EIF3D: variants seen among roughly 807,000 people sequenced by gnomAD.
The protein encoded by EIF3D is eukaryotic translation initiation factor 3 subunit D, also known as eIF3 p66.
In EIF3D, 10 loss-of-function variants were observed where a neutral mutation model predicts 75.4. The observed-to-expected ratio is 0.13, with a 90% CI of 0.08 to 0.22. The LOEUF (loss-of-function observed/expected upper bound fraction) is 0.22. EIF3D is among the 10% of genes least tolerant of loss of function. The pLI is 1.00. For synonymous variants in EIF3D, 246 were observed against 248.3 expected, an observed-to-expected ratio of 0.99 and a Z score of 0.09; for missense variants, 394 against 708.0, an observed-to-expected ratio of 0.56 and a Z score of 5.03.
chr22:36,513,994 G>A (rs1456486306), intron 12 of EIF3D, among the ~76,000 whole-genome samples: 1 of 152,214 alleles, frequency 6.6e-6, no homozygotes, highest in African/African-American at 2.4e-5. Flanking sequence ...TGTCAAACAG[G>A]CATGATGAAA....
intron 12 of EIF3D, among the ~76,000 whole-genome samples, chr22:36,514,025 A>AG (rs1189529627): frequency 6.6e-6 from 1 of 152,222 alleles, no homozygotes; most frequent in African/African-American, 2.4e-5. Flanking sequence ...AACTAGGGCA[A>AG]TTATCAGTGA....
chr22:36,511,081 ACTGTGCG>A, intron 14 of EIF3D, 81 bp from the exon 15 acceptor site: 1 of 1,528,454 alleles, frequency 6.5e-7, no homozygotes, highest in Non-Finnish European at 8.8e-7. Context: ...CCTCTGCTGG[ACTGTGCG>A]TGAGTTTTCA....
At position 36,520,638 on chromosome 22, in the gene EIF3D, C is replaced by T; in HGVS notation, c.516G>A (p.Glu172=). The part of the protein sequence containing the change: ...VEVRSDWEVK[E]EMDFPQLMKM... The stretch of plus-strand genomic sequence containing the variant: ...TCATCAACTGAGGAAAATCCATTTC[C>T]TCTTTCACTTCCCAATCACTACGAA... The change falls in exon 7 of 15, where the codon GAG becomes GAA. Residue 172 remains glutamate, a synonymous_variant. Transcript: ENST00000216190. 4 of 1,613,584 alleles carry T rather than the reference C, an allele frequency of 2.5e-6. No homozygotes were observed. Among genetic ancestry groups the T allele is most frequent in the Non-Finnish European group, 3.4e-6 (4 of 1,179,592 alleles).
At position 36,512,610 on chromosome 22, in the gene EIF3D, A is replaced by C. The variant is rs887013185; in HGVS notation, c.1207-8T>G. On this transcript the variant is annotated splice_polypyrimidine_tract_variant and splice_region_variant and intron_variant, in intron 12 of 14. Transcript: ENST00000216190. ...GTCAACGCCATTACAGTGCTGCAGG[A>C]GAGCCCCGTTAGAGAAACAGAAGCA... 3.7e-6 allele frequency: 6 copies of C among 1,608,302 alleles called. No individual in the cohort carries two copies. In the African/African-American group the frequency reaches 8.0e-5, roughly 21 times the overall value.
intron 1 of EIF3D, among the ~76,000 whole-genome samples, chr22:36,526,441 G>C (rs1316886497): frequency 6.6e-6 from 1 of 152,086 alleles, no homozygotes; most frequent in African/African-American, 2.4e-5. Context: ...TTGATTGGTA[G>C]TTTTTCTTTT....
Position 36,511,624 on chromosome 22 carries a change from G to C in EIF3D, c.1512C>G (p.Gly504=). 1 of 1,614,084 alleles carries C rather than the reference G, an allele frequency of 6.2e-7. No individual in the cohort carries two copies. Among genetic ancestry groups the C allele is most frequent in the East Asian group, 2.2e-5 (1 of 44,874 alleles). ...VIDICMKLEE[G]KYLILKDPNK... is the part of the protein sequence containing the mutation. ...TGGGGTCCTTGAGGATGAGGTATTT[G>C]CCCTCCTCCAGCTTCATGCAGATGT... The change falls in exon 14 of 15, where the codon GGC becomes GGG. Residue 504 remains glycine, a synonymous_variant. Transcript: ENST00000216190.
chr22:36,520,812 T>C (rs1418388395), intron 6 of EIF3D, 124 bp from the exon 7 acceptor site: 1 of 602,222 alleles, frequency 1.7e-6, no homozygotes, highest in Non-Finnish European at 2.9e-6. Context: ...CCCAGCACTT[T>C]GGGAAGCTGG....
At chr22:36,525,960 C>T in intron 2 of EIF3D, 39 bp downstream of exon 2, 1 of 1,571,556 alleles carries the variant, frequency 6.4e-7, no homozygotes, top group Non-Finnish European at 8.6e-7. Context: ...GTAGCAGCCA[C>T]AGCTGCAAAG....
intron 3 of EIF3D, 124 bp from the exon 4 acceptor site, chr22:36,524,856 A>G: frequency 8.2e-7 from 1 of 1,217,656 alleles, no homozygotes; most frequent in Non-Finnish European, 1.2e-6. Flanking sequence ...AAAGCTTGTT[A>G]GACACACAGA....
intron 5 of EIF3D, 144 bp downstream of exon 5, chr22:36,523,751 A>G: frequency 1.3e-6 from 1 of 771,592 alleles, no homozygotes; most frequent in Non-Finnish European, 2.2e-6. Context: ...ACGACAAGCT[A>G]AAAGGGGGCT....
At chr22:36,524,074 T>C in intron 4 of EIF3D, 94 bp from the exon 5 acceptor site, 5 of 1,236,822 alleles carry the variant, frequency 4.0e-6, no homozygotes, top group Non-Finnish European at 5.9e-6. Flanking sequence ...AAATTTAGGA[T>C]GCCAAATCCC....
chr22:36,526,384 A>G (rs1381866872), intron 1 of EIF3D, among the ~76,000 whole-genome samples: 1 of 152,204 alleles, frequency 6.6e-6, no homozygotes, highest in Non-Finnish European at 1.5e-5. Context: ...TTTTTACTGT[A>G]ACATCTTTAA....
chr22:36,521,303 G>A (rs555905667), intron 6 of EIF3D, among the ~76,000 whole-genome samples: 71 of 152,280 alleles, frequency 4.7e-4, no homozygotes, highest in Non-Finnish European at 7.2e-4. Context: ...TGTGGAAGAG[G>A]ACCAAAGGGA....
In EIF3D at chr22:36,511,794, G is replaced by A; in HGVS notation, c.1350-8C>T. Reference sequence around the variant, plus strand: ...TGGTACCGAGACACATAACTAACAGGGGAAGGGATATCAGTGGTCAGAGCA... The same window carrying A: ...TGGTACCGAGACACATAACTAACAGAGGAAGGGATATCAGTGGTCAGAGCA... On this transcript the variant is annotated splice_polypyrimidine_tract_variant and splice_region_variant and intron_variant, in intron 13 of 14. Coordinates refer to ENST00000216190, the MANE Select transcript of EIF3D (RefSeq NM_003753.4). 6.2e-7 allele frequency: 1 copy of A among 1,610,676 alleles called. No individual in the cohort carries two copies. Among genetic ancestry groups the A allele is most frequent in the Non-Finnish European group, 8.5e-7 (1 of 1,177,622 alleles).
chr22:36,528,807 C>T (rs1934650994), intron 1 of EIF3D: 1 of 154,372 alleles, frequency 6.5e-6, no homozygotes, highest in South Asian at 2.1e-4. Flanking sequence ...CGTCTTAACC[C>T]AGGTGAGTTA....
intron 1 of EIF3D, chr22:36,526,696 C>A (rs6519014): frequency 0.13 from 19,498 of 151,636 alleles, 1,326 homozygotes; most frequent in Admixed American, 0.19. Flanking sequence ...CGAGTTCAAG[C>A]GATTCTCCTG....
rs919549553 is a variant in EIF3D at position 36,519,533 on chromosome 22, A to G, written c.583T>C (p.Cys195Arg). ...TCGTAGTATTCTAGGGCCCCACAAC[A>G]CTCACTGTGGGAAGAGCAGGCAAAG... ...LEVSEPQDIE[C>R]CGALEYYDKA... is the part of the protein sequence containing the mutation. Residue 195 changes from cysteine to arginine, a missense_variant, in exon 8 of 15, where the codon TGT becomes CGT. Transcript: ENST00000216190. 6.2e-7 allele frequency: 1 copy of G among 1,613,698 alleles called. No individual in the cohort carries two copies. Among genetic ancestry groups the G allele is most frequent in the Admixed American group, 1.7e-5 (1 of 59,946 alleles).
chr22:36,514,248 A>C (rs139291761), intron 12 of EIF3D, among the ~76,000 whole-genome samples: 2 of 152,294 alleles, frequency 1.3e-5, no homozygotes, highest in East Asian at 3.9e-4. Context: ...AGTATAATAA[A>C]TCAGAGTAGA....
At chr22:36,528,227 A>G (rs1934637117) in intron 1 of EIF3D, among the ~76,000 whole-genome samples, 1 of 152,048 alleles carries the variant, frequency 6.6e-6, no homozygotes, top group African/African-American at 2.4e-5. Flanking sequence ...TCTTTCCATT[A>G]TATTACAGCT....
Sources: allele counts gnomAD v4.1 joint callset (sites outside exome capture counted in the v4.1 genomes callset), GRCh38; gene constraint gnomAD v4.1.1; transcripts MANE v1.5; gene names NCBI Gene and HGNC (gene_info 2026-07-23, HGNC 2026-07-21).